Variants in HLA-DRB1 observed in about 807,000 individuals in gnomAD.
HLA-DRB1 encodes the protein major histocompatibility complex, class II, DR beta 1.
A neutral mutation model predicts 27.9 loss-of-function variants in HLA-DRB1; 10 were observed. The ratio of observed to expected loss-of-function variants is 0.36; its 90% confidence interval spans 0.22 to 0.61. The LOEUF is 0.61. Ranked by LOEUF, HLA-DRB1 falls within the 20% of genes least tolerant of loss-of-function variation. The probability of loss-of-function intolerance (pLI) is 0.73; values close to 1 mark genes in which losing one functional copy is unlikely to be tolerated. For missense variants in HLA-DRB1, 118 were observed against 306.3 expected (o/e 0.39, Z 4.59); for synonymous variants, 57 against 126.7 (o/e 0.45, Z 3.69).
At chr6:32,586,374 C>G (rs35435859) in intron 1 of HLA-DRB1, among the ~76,000 whole-genome samples, 15,239 of 65,586 alleles carry the variant, frequency 0.23, 877 homozygotes, top group Middle Eastern at 0.45. Flanking sequence ...ATCGACTCCA[C>G]CAAACCCAGC....
chr6:32,589,741 A>T, exon 1 of HLA-DRB1: 2 of 1,071,566 alleles, frequency 1.9e-6, no homozygotes, highest in Non-Finnish European at 1.3e-6. Flanking sequence ...CAGACACACC[A>T]TGCTGGAGAA....
intron 1 of HLA-DRB1, among the ~76,000 whole-genome samples, chr6:32,585,600 T>C (rs1309514722): frequency 5.1e-4 from 63 of 124,318 alleles, no homozygotes; most frequent in South Asian, 9.7e-4. Flanking sequence ...AAGCAATTAG[T>C]ATCTTCATCA....
chr6:32,581,524 G>C lies in HLA-DRB1; in HGVS notation c.652+33C>G. On this transcript the variant is annotated intron_variant, in intron 3 of 5. Transcript: ENST00000360004. Reference sequence around the variant, plus strand: ...ATTAGCACGGTCCCCTTCTTAGTGGGTGAGAAATTTAGGAAGTCAGAAAGC... The same window carrying C: ...ATTAGCACGGTCCCCTTCTTAGTGGCTGAGAAATTTAGGAAGTCAGAAAGC... 3 of 811,172 alleles carry C rather than the reference G, an allele frequency of 3.7e-6. 1 individual carries two copies. Among genetic ancestry groups the C allele is most frequent in the Non-Finnish European group, 5.5e-6 (3 of 544,916 alleles). The allele number at this position is 811,172 out of a possible 1,614,324, so 50.2% of individuals were successfully genotyped here. A position where few individuals can be genotyped will look rare whatever the true frequency, so the allele number is the denominator to read the frequency against.
intron 1 of HLA-DRB1, among the ~76,000 whole-genome samples, chr6:32,588,146 A>C (rs9270184): frequency 0.034 from 3,153 of 93,326 alleles, 8 homozygotes; most frequent in African/African-American, 0.059. Flanking sequence ...AGAAAAAGGA[A>C]ATTTTTTTAT....
rs1164064226 is a variant in HLA-DRB1 at position 32,584,464 on chromosome 6, G to C, written c.101-86C>G. On this transcript the variant is annotated intron_variant, in intron 1 of 5. Transcript: ENST00000360004. ...GCCACCATCCGGGGCTCCCTGAGCG[G>C]GGTGCGGGCGCTGGAACCTTAACCG... The C allele has an allele frequency of 2.4e-5, 15 of 622,840 alleles. No homozygotes were observed. In the African/African-American group the frequency reaches 5.2e-4, roughly 22 times the overall value. The allele number at this position is 622,840 out of a possible 1,614,324, so 38.6% of individuals were successfully genotyped here.
At chr6:32,585,188 A>T (rs72850285) in intron 1 of HLA-DRB1, among the ~76,000 whole-genome samples, 12,009 of 94,378 alleles carry the variant, frequency 0.13, 2,538 homozygotes, top group Non-Finnish European at 0.14. Flanking sequence ...AAATGAATGA[A>T]AGTTTCTCCT....
At position 32,587,772 on chromosome 6, in the gene HLA-DRB1, T is replaced by C. The variant is rs35931867; in HGVS notation, c.100+1871A>G. On this transcript the variant is annotated intron_variant, in intron 1 of 5. Coordinates refer to ENST00000360004, the Ensembl canonical transcript of HLA-DRB1. ...TCTTTTCTTCAGTGCACTATGACTC[T>C]CTAACATTATCTTCTTTGTTAAATG... Among the ~76,000 whole-genome samples, 4 of 143,490 alleles carry C rather than the reference T, an allele frequency of 2.8e-5. 1 individual carries two copies. Among genetic ancestry groups the C allele is most frequent in the Non-Finnish European group, 6.0e-5 (4 of 66,132 alleles). The allele number at this position is 143,490 out of a possible 152,430, so 94.1% of individuals were successfully genotyped here.
chr6:32,588,977 G>C (rs948972714), intron 1 of HLA-DRB1, among the ~76,000 whole-genome samples: 3 of 88,222 alleles, frequency 3.4e-5, no homozygotes. Context: ...CCTCATAAAT[G>C]CTCTGTATCT....
chr6:32,583,744 T>C (rs72850280), intron 2 of HLA-DRB1, among the ~76,000 whole-genome samples: 15,066 of 55,306 alleles, frequency 0.27, 5,157 homozygotes, highest in Non-Finnish European at 0.3. Context: ...TTCCCTTCCC[T>C]GCATCTCTAA....
chr6:32,586,420 T>A (rs9270080), intron 1 of HLA-DRB1, among the ~76,000 whole-genome samples: 1 of 77,396 alleles, frequency 1.3e-5, no homozygotes, highest in Non-Finnish European at 2.5e-5. Flanking sequence ...TTGCCCCTCC[T>A]CTTAGTGGTA....
At chr6:32,588,460 AG>A (rs879659436) in intron 1 of HLA-DRB1, among the ~76,000 whole-genome samples, 3,802 of 60,548 alleles carry the variant, frequency 0.063, 304 homozygotes, top group Middle Eastern at 0.14. Flanking sequence ...CCTCAAAAAG[AG>A]AAAAAAAGTC....
At chr6:32,578,961 G>T in exon 6 of HLA-DRB1, 1 of 491,850 alleles carries the variant, frequency 2.0e-6, no homozygotes, top group Non-Finnish European at 3.7e-6. Context: ...ATTTTCTGCA[G>T]TTGCCGAACC....
At chr6:32,587,068 A>G (rs1414774372) in intron 1 of HLA-DRB1, among the ~76,000 whole-genome samples, 1 of 69,182 alleles carries the variant, frequency 1.4e-5, no homozygotes, top group African/African-American at 5.8e-5. Context: ...ATCCCCACAG[A>G]GTAGCTAGAA....
Position 32,579,195 on chromosome 6 carries a change from A to T in HLA-DRB1, c.788-91T>A, listed in dbSNP as rs988340321. ...TCAAGGGCTCAGATGAGAGCACTGC[A>T]GGAAGAAGAAAAAGAAGTTCCTGAG... On this transcript the variant is annotated intron_variant, in intron 5 of 5. Transcript: ENST00000360004. 2.4e-4 allele frequency: 93 copies of T among 379,774 alleles called. 22 individuals carry two copies. Among genetic ancestry groups the T allele is most frequent in the Non-Finnish European group, 3.6e-4 (90 of 247,996 alleles). 23.5% of individuals were successfully genotyped at this position (379,774 alleles called of 1,614,324 possible).
intron 1 of HLA-DRB1, among the ~76,000 whole-genome samples, chr6:32,585,923 G>A (rs200108959): frequency 5.8e-4 from 49 of 84,318 alleles, no homozygotes; most frequent in African/African-American, 1.2e-3. Flanking sequence ...AAATTCATAG[G>A]CCTGATACAC....
At chr6:32,589,409 G>T (rs1242729759) in intron 1 of HLA-DRB1, among the ~76,000 whole-genome samples, 1 of 122,092 alleles carries the variant, frequency 8.2e-6, no homozygotes, top group African/African-American at 3.3e-5. Context: ...GGTTTTATTG[G>T]TGGAGATTTG....
intron 2 of HLA-DRB1, 124 bp from the exon 3 acceptor site, chr6:32,581,962 C>T (rs2150766886): frequency 3.4e-6 from 2 of 588,620 alleles, no homozygotes; most frequent in South Asian, 2.2e-5. Flanking sequence ...GCACAGCTGG[C>T]CATGTGACCT....
intron 2 of HLA-DRB1, among the ~76,000 whole-genome samples, chr6:32,582,545 A>C (rs9269853): frequency 0.59 from 45,316 of 77,244 alleles, 15,692 homozygotes; most frequent in Middle Eastern, 0.8. Flanking sequence ...CTTAGAACAC[A>C]ACAGAAATTG....
intron 1 of HLA-DRB1, among the ~76,000 whole-genome samples, chr6:32,586,700 C>T (rs113676729): frequency 1.3e-3 from 92 of 71,978 alleles, no homozygotes; most frequent in Non-Finnish European, 1.8e-3. Context: ...ATGCCATTGA[C>T]CTTCGGATTT....
Sources: gnomAD v4.1 joint callset for allele counts (sites outside exome capture counted in the v4.1 genomes callset) on GRCh38, gnomAD v4.1.1 for gene constraint, MANE v1.5 for transcripts, NCBI Gene and HGNC (gene_info 2026-07-23, HGNC 2026-07-21) for gene names.